The following CTNNA3 variants were observed in gnomAD, a reference collection of about 807,000 sequenced individuals.
The protein encoded by CTNNA3 is catenin alpha-3.
A neutral mutation model predicts 95.7 loss-of-function variants in CTNNA3; 76 were observed. The observed-to-expected ratio is 0.79, with a 90% CI of 0.66 to 0.96. CTNNA3 has a LOEUF of 0.96. Among genes scored for constraint, CTNNA3 ranks in the 40% least tolerant of loss-of-function variants. The pLI is 0.00. For missense variants in CTNNA3, 1,191 were observed against 1,089.8 expected, an observed-to-expected ratio of 1.09 and a Z score of -1.31; for synonymous variants, 431 against 374.4, an observed-to-expected ratio of 1.15 and a Z score of -1.74.
intron 12 of CTNNA3, among the ~76,000 whole-genome samples, chr10:66,370,750 C>T (rs2092747965): frequency 6.6e-6 from 1 of 152,022 alleles, no homozygotes; most frequent in Non-Finnish European, 1.5e-5. Flanking sequence ...CACTCTGTTC[C>T]CCAGGATAGA....
intron 11 of CTNNA3, among the ~76,000 whole-genome samples, chr10:66,416,201 GA>G (rs541179748): frequency 2.0e-5 from 3 of 151,944 alleles, no homozygotes; most frequent in Non-Finnish European, 4.4e-5. Context: ...CCATAGACTA[GA>G]TGAAGCAGAC....
intron 7 of CTNNA3, among the ~76,000 whole-genome samples, chr10:66,949,433 C>A (rs1589473700): frequency 6.6e-6 from 1 of 152,102 alleles, no homozygotes; most frequent in African/African-American, 2.4e-5. Flanking sequence ...TGGCATATGC[C>A]TGTAATCCCA....
At chr10:67,435,438 G>T (rs987976723) in intron 5 of CTNNA3, among the ~76,000 whole-genome samples, 2 of 152,010 alleles carry the variant, frequency 1.3e-5, no homozygotes. Flanking sequence ...CACTCTCACT[G>T]CTCCTCTTCA....
Position 66,192,833 on chromosome 10 carries a change from A to T in CTNNA3, c.1884+87637T>A, listed in dbSNP as rs183297351. On this transcript the variant is annotated intron_variant, in intron 13 of 17. Transcript: ENST00000433211. ...CCTTACACTTAAGTTCTATTTACTTAAAATTGTTAATCCTGATTGAAATTA... is the reference window on the plus strand; with the variant it reads ...CCTTACACTTAAGTTCTATTTACTTTAAATTGTTAATCCTGATTGAAATTA... 5.5e-4 allele frequency among the ~76,000 whole-genome samples: 83 copies of T among 152,286 alleles called. 1 individual carries two copies. Among genetic ancestry groups the T allele is most frequent in the Admixed American group, 3.1e-3 (47 of 15,282 alleles).
At chr10:66,423,630 AG>A (rs1379620575) in intron 11 of CTNNA3, among the ~76,000 whole-genome samples, 1 of 152,160 alleles carries the variant, frequency 6.6e-6, no homozygotes, top group African/African-American at 2.4e-5. Context: ...AGAGATGTTT[AG>A]CCCCAAGGTA....
At chr10:66,562,112 G>A (rs755797755) in intron 10 of CTNNA3, among the ~76,000 whole-genome samples, 19 of 152,012 alleles carry the variant, frequency 1.2e-4, no homozygotes, top group Admixed American at 2.6e-4. Context: ...TTATACACAC[G>A]TGCATACATA....
At chr10:65,961,856 G>A (rs1408464120) in intron 17 of CTNNA3, among the ~76,000 whole-genome samples, 2 of 151,872 alleles carry the variant, frequency 1.3e-5, no homozygotes, top group Admixed American at 6.6e-5. Context: ...TTACTGCCTG[G>A]AATATACAAG....
intron 7 of CTNNA3, among the ~76,000 whole-genome samples, chr10:66,904,346 C>T (rs902775903): frequency 2.6e-5 from 4 of 152,120 alleles, no homozygotes; most frequent in African/African-American, 7.2e-5. Flanking sequence ...CCCTTCCTTA[C>T]ATCTTATACA....
intron 13 of CTNNA3, among the ~76,000 whole-genome samples, chr10:66,137,910 A>G (rs1260863820): frequency 1.3e-5 from 2 of 152,128 alleles, no homozygotes; most frequent in Non-Finnish European, 2.9e-5. Flanking sequence ...AGATTATGTC[A>G]TTGTACTCCA....
At chr10:67,366,117 A>C (rs1404624608) in intron 5 of CTNNA3, among the ~76,000 whole-genome samples, 1 of 152,134 alleles carries the variant, frequency 6.6e-6, no homozygotes, top group African/African-American at 2.4e-5. Flanking sequence ...CAGAAAACCA[A>C]ACACTTCATG....
At chr10:66,384,612 C>T (rs1184297736) in intron 11 of CTNNA3, among the ~76,000 whole-genome samples, 2 of 152,196 alleles carry the variant, frequency 1.3e-5, no homozygotes, top group Non-Finnish European at 2.9e-5. Flanking sequence ...CTACAGAACT[C>T]TCCATCCCAA....
At chr10:66,749,233 AG>A (rs1564656872) in intron 9 of CTNNA3, among the ~76,000 whole-genome samples, 1,563 of 147,064 alleles carry the variant, frequency 0.011, 30 homozygotes, top group African/African-American at 0.037. Flanking sequence ...AAAAAAGAAA[AG>A]GAAAGAAAGA....
At chr10:67,237,566 A>C (rs10997590) in intron 5 of CTNNA3, among the ~76,000 whole-genome samples, 1 of 152,208 alleles carries the variant, frequency 6.6e-6, no homozygotes, top group East Asian at 1.9e-4. Flanking sequence ...TAAAAAATTC[A>C]AACATTGCCT....
At chr10:67,325,938 G>A (rs930928980) in intron 5 of CTNNA3, among the ~76,000 whole-genome samples, 1 of 151,718 alleles carries the variant, frequency 6.6e-6, no homozygotes, top group African/African-American at 2.4e-5. Context: ...TAGGTATTTA[G>A]GATCTTCTTG....
intron 15 of CTNNA3, among the ~76,000 whole-genome samples, chr10:65,989,426 C>T (rs937860473): frequency 6.6e-6 from 1 of 152,028 alleles, no homozygotes; most frequent in Non-Finnish European, 1.5e-5. Flanking sequence ...CCTTCATAGA[C>T]CTAGATACCT....
chr10:65,992,200 G>GTA (rs1318189754), intron 15 of CTNNA3, among the ~76,000 whole-genome samples: 1 of 151,990 alleles, frequency 6.6e-6, no homozygotes, highest in Admixed American at 6.6e-5. Context: ...ATATTGACCT[G>GTA]TAGTTTTCTT....
chr10:67,748,125 T>C (rs1268048452), intron 1 of CTNNA3, among the ~76,000 whole-genome samples: 1 of 152,048 alleles, frequency 6.6e-6, no homozygotes, highest in Non-Finnish European at 1.5e-5. Flanking sequence ...GAACCTATGA[T>C]TTATTGGAGT....
At chr10:67,389,088 A>G (rs1252240531) in intron 5 of CTNNA3, among the ~76,000 whole-genome samples, 11 of 151,820 alleles carry the variant, frequency 7.2e-5, no homozygotes, top group Admixed American at 2.0e-4. Context: ...AATGGACTAA[A>G]TGCTCCAATT....
chr10:66,572,349 C>T (rs989734607), intron 10 of CTNNA3, among the ~76,000 whole-genome samples: 6 of 150,800 alleles, frequency 4.0e-5, no homozygotes, highest in Non-Finnish European at 8.9e-5. Flanking sequence ...CACCACTGCA[C>T]TCCAGCCTGG....
Sources: allele counts gnomAD v4.1 joint callset (sites outside exome capture counted in the v4.1 genomes callset), GRCh38; gene constraint gnomAD v4.1.1; transcripts MANE v1.5; gene names NCBI Gene and HGNC (gene_info 2026-07-23, HGNC 2026-07-21).